Variants in CPT1A observed in about 807,000 individuals in gnomAD.
CPT1A encodes carnitine O-palmitoyltransferase 1, liver isoform.
Under a neutral mutation model 100.8 loss-of-function variants are expected in CPT1A, and 64 were observed. The observed-to-expected ratio is 0.63, with a 90% CI of 0.52 to 0.78. The LOEUF is 0.78. Among genes scored for constraint, CPT1A ranks in the 30% least tolerant of loss-of-function variants. The pLI, the probability that CPT1A is intolerant of heterozygous loss-of-function variation, is 0.00. For synonymous variants in CPT1A, 363 were observed against 396.0 expected, an observed-to-expected ratio of 0.92 and a Z score of 0.99; for missense variants, 802 against 1,034.1, an observed-to-expected ratio of 0.78 and a Z score of 3.08.
chr11:68,822,711 T>C (rs1014221952), intron 1 of CPT1A, among the ~76,000 whole-genome samples: 1 of 152,020 alleles, frequency 6.6e-6, no homozygotes, highest in Admixed American at 6.6e-5. Context: ...AATGGATAAA[T>C]ATAATGTGGT....
intron 6 of CPT1A, among the ~76,000 whole-genome samples, chr11:68,797,812 T>C (rs1855793152): frequency 6.6e-6 from 1 of 151,962 alleles, no homozygotes; most frequent in Admixed American, 6.6e-5. Flanking sequence ...ACCCCGTCTG[T>C]ACTAAAAATG....
chr11:68,819,444 C>G lies in CPT1A; in HGVS notation c.-13-3957G>C, dbSNP rs146472399. ...CGCAGTAACCATGAGGAAGGCATCC[C>G]AGAAGAGGACTCTGCAAAGCATGCA... On this transcript the variant is annotated intron_variant, in intron 1 of 18. Transcript: ENST00000265641. Among the ~76,000 whole-genome samples the G allele has an allele frequency of 9.2e-5, 14 of 152,288 alleles. No individual in the cohort carries two copies. In the East Asian group the frequency reaches 2.7e-3, roughly 29 times the overall value.
chr11:68,814,670 G>T (rs1856332235), intron 2 of CPT1A, among the ~76,000 whole-genome samples: 1 of 150,870 alleles, frequency 6.6e-6, no homozygotes, highest in South Asian at 2.1e-4. Context: ...ACATCCACTT[G>T]CTGAAGTTTG....
intron 6 of CPT1A, among the ~76,000 whole-genome samples, chr11:68,798,777 C>A (rs896059927): frequency 6.6e-6 from 1 of 152,184 alleles, no homozygotes; most frequent in Non-Finnish European, 1.5e-5. Flanking sequence ...AGAAACAGCT[C>A]ACGGGAGGAC....
Position 68,841,214 on chromosome 11 carries a change from C to A in CPT1A, c.-14+561G>T, listed in dbSNP as rs376836897. Among the ~76,000 whole-genome samples the A allele has an allele frequency of 6.6e-6, 1 of 152,122 alleles. No homozygotes were observed. The highest frequency in any genetic ancestry group is 1.5e-5 in the Non-Finnish European group (1 of 67,998). Reference sequence around the variant, plus strand: ...CTGCACCTGCCCGTAGGTGACCAACCCACGGGCGGACCCCCAGACCCAATC... The same window carrying A: ...CTGCACCTGCCCGTAGGTGACCAACACACGGGCGGACCCCCAGACCCAATC... On this transcript the variant is annotated intron_variant, in intron 1 of 18. Coordinates refer to ENST00000265641, the MANE Select transcript of CPT1A (RefSeq NM_001876.4). This position sits in a 1 kb window ranked among gnomAD's most constrained non-coding sequence, Gnocchi z 6.3.
chr11:68,790,231 C>T (rs1214698316), intron 9 of CPT1A, among the ~76,000 whole-genome samples: 2 of 151,868 alleles, frequency 1.3e-5, no homozygotes, highest in Non-Finnish European at 1.5e-5. Context: ...CCACTATGTC[C>T]GACTAATTTT....
chr11:68,831,962 C>A (rs1489851529), intron 1 of CPT1A, among the ~76,000 whole-genome samples: 2 of 152,136 alleles, frequency 1.3e-5, no homozygotes, highest in Non-Finnish European at 2.9e-5. Flanking sequence ...AACCCTTTGG[C>A]ATATGCTAGA....
intron 2 of CPT1A, among the ~76,000 whole-genome samples, chr11:68,814,201 A>G (rs557865298): frequency 1.4e-5 from 2 of 145,700 alleles, no homozygotes; most frequent in East Asian, 3.9e-4. Context: ...AATACATGGA[A>G]AAACAAGACA....
chr11:68,827,551 A>G (rs1354971378), intron 1 of CPT1A, among the ~76,000 whole-genome samples: 1 of 48,052 alleles, frequency 2.1e-5, no homozygotes, highest in African/African-American at 9.4e-5. Flanking sequence ...TTGTTTGTTT[A>G]TTTTTGTTTT....
At chr11:68,775,240 G>C in intron 13 of CPT1A, 76 bp downstream of exon 13, 1 of 1,250,418 alleles carries the variant, frequency 8.0e-7, no homozygotes, top group South Asian at 1.2e-5. Flanking sequence ...AACTACGGTT[G>C]GAAAATTCAT....
intron 1 of CPT1A, among the ~76,000 whole-genome samples, chr11:68,825,229 C>T (rs1856693253): frequency 1.3e-5 from 2 of 152,226 alleles, no homozygotes; most frequent in Admixed American, 1.3e-4. Flanking sequence ...GTCTCTTCTA[C>T]GCACATTTGA....
intron 16 of CPT1A, among the ~76,000 whole-genome samples, chr11:68,761,264 T>C (rs1331219351): frequency 6.7e-6 from 1 of 149,586 alleles, no homozygotes; most frequent in African/African-American, 2.5e-5. Context: ...AGCTCATCAC[T>C]CCCTAGTTAC....
upstream of CPT1A, among the ~76,000 whole-genome samples, chr11:68,843,984 G>C (rs990080577): frequency 2.0e-5 from 3 of 152,238 alleles, no homozygotes; most frequent in African/African-American, 7.2e-5. The surrounding 1 kb of genome is among the most constrained non-coding windows in gnomAD (Gnocchi z 4.0). Context: ...CAGCGCCCCG[G>C]TGCGCGCCCA....
intron 1 of CPT1A, among the ~76,000 whole-genome samples, chr11:68,820,770 G>A (rs1266243617): frequency 6.6e-6 from 1 of 152,062 alleles, no homozygotes; most frequent in Non-Finnish European, 1.5e-5. Context: ...TCCTTCCAGG[G>A]ACGTGAATCA....
Position 68,755,013 on chromosome 11 carries a change from G to T in CPT1A, c.*2631C>A, listed in dbSNP as rs1488226737. ...CCCAAGATAACAAATTCAAACCATG[G>T]CTGCGTTAAGACAATGGTTTGTTCC... On this transcript the variant is annotated 3_prime_UTR_variant, in exon 19 of 19. Transcript: ENST00000265641. 1 of 614,986 alleles carries T rather than the reference G, an allele frequency of 1.6e-6. No homozygotes were observed. Among genetic ancestry groups the T allele is most frequent in the Non-Finnish European group, 3.0e-6 (1 of 336,262 alleles). The allele number at this position is 614,986 out of a possible 1,614,324, so 38.1% of individuals were successfully genotyped here.
chr11:68,793,662 C>T (rs965777515), intron 8 of CPT1A, among the ~76,000 whole-genome samples: 2 of 150,904 alleles, frequency 1.3e-5, no homozygotes, highest in African/African-American at 4.9e-5. Context: ...AGGAGAATGG[C>T]ATGAACCCGG....
intron 13 of CPT1A, 41 bp downstream of exon 13, chr11:68,775,275 C>T: frequency 6.7e-7 from 1 of 1,485,206 alleles, no homozygotes; most frequent in South Asian, 1.1e-5. Context: ...ATGTGTTTCC[C>T]ATCCCAGGTA....
At chr11:68,768,107 GCA>G (rs1174589986) in intron 14 of CPT1A, among the ~76,000 whole-genome samples, 1 of 105,942 alleles carries the variant, frequency 9.4e-6, no homozygotes, top group African/African-American at 3.7e-5. Context: ...AGGGAGTCTC[GCA>G]CTGTCACCCA....
At chr11:68,833,741 GA>G (rs796493805) in intron 1 of CPT1A, among the ~76,000 whole-genome samples, 12 of 138,804 alleles carry the variant, frequency 8.6e-5, no homozygotes, top group Non-Finnish European at 9.5e-5. Flanking sequence ...TCTCAAAAAA[GA>G]AAAAAAAAAA....
Sources: allele counts gnomAD v4.1 joint callset (sites outside exome capture counted in the v4.1 genomes callset), GRCh38; gene constraint gnomAD v4.1.1; non-coding constraint Gnocchi (gnomAD v3.1); transcripts MANE v1.5; gene names NCBI Gene and HGNC (gene_info 2026-07-23, HGNC 2026-07-21).